RADIL: variants seen among roughly 807,000 people sequenced by gnomAD.
The protein encoded by RADIL is Rap associating with DIL domain, also known as ras-associating and dilute domain-containing protein.
Under a neutral mutation model 97.6 loss-of-function variants are expected in RADIL, and 99 were observed. The ratio of observed to expected loss-of-function variants is 1.01; its 90% confidence interval spans 0.86 to 1.20. The LOEUF is 1.20. RADIL is among the 50% of genes most tolerant of loss of function. The pLI is 0.00. For missense variants in RADIL, 1,765 were observed against 1,498.9 expected (o/e 1.18, Z -2.93); for synonymous variants, 803 against 691.8 (o/e 1.16, Z -2.52).
rs150646605 is a variant in RADIL, at chr7:4,876,757, A to G, written c.535+848T>C. On this transcript the variant is annotated intron_variant, in intron 2 of 14. Coordinates refer to ENST00000399583, the MANE Select transcript of RADIL (RefSeq NM_018059.5). Reference sequence around the variant, plus strand: ...TGCTCTCGGCACTCCTCAGACCGACAATGATCGGCTGCCCGTGGCCAGGCC... The same window carrying G: ...TGCTCTCGGCACTCCTCAGACCGACGATGATCGGCTGCCCGTGGCCAGGCC... 9.0e-4 allele frequency among the ~76,000 whole-genome samples: 137 copies of G among 152,298 alleles called. 2 individuals carry two copies. The highest frequency in any genetic ancestry group is 3.2e-3 in the African/African-American group (133 of 41,570).
At chr7:4,832,401 G>C (rs1480174271) in intron 4 of RADIL, among the ~76,000 whole-genome samples, 3 of 152,096 alleles carry the variant, frequency 2.0e-5, no homozygotes, top group African/African-American at 4.8e-5. Flanking sequence ...TGCTACAATA[G>C]AGTATCTCAC....
intron 11 of RADIL, 105 bp downstream of exon 11, chr7:4,803,441 C>T (rs1378061993): frequency 3.2e-5 from 33 of 1,036,514 alleles, no homozygotes; most frequent in South Asian, 1.0e-4. Context: ...CCTCGGGGCA[C>T]GCTGGCTGGG....
In RADIL at chr7:4,800,215, C is replaced by G; in HGVS notation, c.2938G>C (p.Glu980Gln). The change falls in exon 13 of 15, where the codon GAA becomes CAA. Residue 980 changes from glutamate (E) to glutamine (Q), a missense_variant. By Grantham distance (29) the Glu-to-Gln change is conservative. Coordinates refer to ENST00000399583, the MANE Select transcript of RADIL (RefSeq NM_018059.5). The part of the protein sequence containing the change: ...DFCYVFTVEL[E>Q]RGPSGLGMGL... ...ATCCCCAGCCCGGAGGGGCCTCGTT[C>G]CAGCTCCACCGTGAAGACGTAGCAG... 1 of 1,607,998 alleles carries G rather than the reference C, an allele frequency of 6.2e-7. No individual in the cohort carries two copies.
intron 9 of RADIL, among the ~76,000 whole-genome samples, chr7:4,812,270 A>G (rs1782567816): frequency 6.6e-6 from 1 of 152,070 alleles, no homozygotes; most frequent in South Asian, 2.1e-4. Flanking sequence ...TTATTTGTCC[A>G]TTTCATCTAA....
intron 1 of RADIL, among the ~76,000 whole-genome samples, chr7:4,882,666 C>T (rs1784510225): frequency 6.6e-6 from 1 of 152,190 alleles, no homozygotes; most frequent in East Asian, 1.9e-4. Context: ...TCCCCTCCTT[C>T]CATGAATCCT....
intron 11 of RADIL, 65 bp downstream of exon 11, chr7:4,803,481 G>A (rs1416489911): frequency 2.6e-5 from 35 of 1,341,072 alleles, no homozygotes; most frequent in East Asian, 1.9e-4. Context: ...CTCGGGGCAC[G>A]CTGGCTGGGT....
chr7:4,804,061 G>A, intron 10 of RADIL: 1 of 421,176 alleles, frequency 2.4e-6, no homozygotes, highest in South Asian at 2.2e-5. Context: ...CTGCCCCACT[G>A]GTCTCTGATG....
Position 4,815,459 on chromosome 7 carries a change from G to A in RADIL, c.1967-9C>T. 12 of 1,496,210 alleles carry A rather than the reference G, an allele frequency of 8.0e-6. No homozygotes were observed. The highest frequency in any genetic ancestry group is 1.1e-5 in the Non-Finnish European group (12 of 1,119,700). The allele number at this position is 1,496,210 out of a possible 1,614,324, so 92.7% of individuals were successfully genotyped here. A position where few individuals can be genotyped will look rare whatever the true frequency, so the allele number is the denominator to read the frequency against. ...GCAGCTCAGGGAGGGGCCTGTGGAG[G>A]GAAGAAGGGAGGGTGATGCCTGGGC... On this transcript the variant is annotated splice_polypyrimidine_tract_variant and intron_variant, in intron 8 of 14. Transcript: ENST00000399583. This position sits in a 1 kb window ranked among gnomAD's most constrained non-coding sequence, Gnocchi z 8.0.
Position 4,834,975 on chromosome 7 carries a change from A to C in RADIL, c.1048T>G (p.Tyr350Asp), listed in dbSNP as rs569253197. Residue 350 changes from tyrosine to aspartate, a missense_variant, in exon 4 of 15, where the codon TAC (tyrosine) becomes GAC (aspartate). Coordinates refer to ENST00000399583, the MANE Select transcript of RADIL (RefSeq NM_018059.5). This position sits in a 1 kb window ranked among gnomAD's most constrained non-coding sequence, Gnocchi z 6.0. The part of the protein sequence containing the change: ...HHGDLLSLGL[Y>D]YLLLFKDPAQ... ...GGGTCCTTGAATAGCAGCAGGTAGT[A>C]GAGCCCCAGGGAGAGCAGGTCCCCG... is the stretch of plus-strand genomic sequence containing the variant. 1 of 1,610,218 alleles carries C rather than the reference A, an allele frequency of 6.2e-7. No individual in the cohort carries two copies. Among genetic ancestry groups the C allele is most frequent in the Admixed American group, 1.7e-5 (1 of 59,782 alleles).
rs1268471202 is a variant in RADIL, at chr7:4,797,457, G to A, written c.*1921C>T. ...AGAGATAAGCCCCCTTCTCTTTGTG[G>A]GAGGAACTGTTGGTGGCCACCTTTG... On this transcript the variant is annotated 3_prime_UTR_variant, in exon 15 of 15. Coordinates refer to ENST00000399583, the MANE Select transcript of RADIL (RefSeq NM_018059.5). The A allele has an allele frequency of 3.3e-5, 5 of 152,324 alleles. No individual in the cohort carries two copies. The East Asian group carries it at 7.7e-4, about 23-fold the overall frequency. The allele number at this position is 152,324 out of a possible 1,614,324, so 9.4% of individuals were successfully genotyped here.
intron 9 of RADIL, chr7:4,809,472 G>A (rs190498626): frequency 3.0e-6 from 3 of 985,282 alleles, no homozygotes; most frequent in East Asian, 1.1e-4. Flanking sequence ...AATTTCCCCC[G>A]AGGAACACGC....
intron 5 of RADIL, among the ~76,000 whole-genome samples, chr7:4,825,150 G>A (rs1447341226): frequency 6.6e-6 from 1 of 152,184 alleles, no homozygotes; most frequent in Non-Finnish European, 1.5e-5. Flanking sequence ...GGACAGCACA[G>A]CCTGGCAGGA....
intron 2 of RADIL, chr7:4,860,468 T>C: frequency 1.2e-6 from 2 of 1,614,212 alleles, no homozygotes; most frequent in South Asian, 2.2e-5. Flanking sequence ...TTCAGAATTA[T>C]CTGGCTTTTT....
chr7:4,801,858 G>A lies in RADIL; in HGVS notation c.2637C>T (p.Ala879=), dbSNP rs151229803. ...CACGGCTGGGTTGCCTTCCAGGGGG[G>A]GCCTGTGCCCAGGGAGCCCCCCTCA... ...LPLRGAPWAQ[A]PPGRQPSRGG... is the part of the protein sequence containing the mutation. Residue 879 remains alanine, a synonymous_variant, in exon 12 of 15, where the codon GCC becomes GCT. Transcript: ENST00000399583. 3.2e-3 allele frequency: 5,176 copies of A among 1,595,478 alleles called. 108 individuals carry two copies. In the African/African-American group the frequency reaches 0.054, roughly 17 times the overall value.
In RADIL at chr7:4,800,232, A is replaced by C; in HGVS notation, c.2921T>G (p.Val974Gly). 6.2e-7 allele frequency: 1 copy of C among 1,601,576 alleles called. No homozygotes were observed. Residue 974 changes from valine (V) to glycine (G), a missense_variant, in exon 13 of 15, where the codon GTC (valine) becomes GGC (glycine). Coordinates refer to ENST00000399583, the MANE Select transcript of RADIL (RefSeq NM_018059.5). The part of the protein sequence containing the change: ...RSSSTEDFCY[V>G]FTVELERGPS... Reference sequence around the variant, plus strand: ...GCCTCGTTCCAGCTCCACCGTGAAGACGTAGCAGAAGTCCTCGGTGCTGGA... The same window carrying C: ...GCCTCGTTCCAGCTCCACCGTGAAGCCGTAGCAGAAGTCCTCGGTGCTGGA...
rs554692487 is a variant in RADIL, at chr7:4,808,830, G to A, written c.2140-3114C>T. On this transcript the variant is annotated intron_variant, in intron 9 of 14. Coordinates refer to ENST00000399583, the MANE Select transcript of RADIL (RefSeq NM_018059.5). Reference sequence around the variant, plus strand: ...CTCCGTGTCTCCTTCCGACGCCACTGCCCCTCCGCGTCTCCTTCCAACGCC... The same window carrying A: ...CTCCGTGTCTCCTTCCGACGCCACTACCCCTCCGCGTCTCCTTCCAACGCC... The A allele has an allele frequency of 1.4e-5, 13 of 954,488 alleles. No homozygotes were observed. The East Asian group carries it at 1.5e-3, about 112-fold the overall frequency. The allele number at this position is 954,488 out of a possible 1,614,324, so 59.1% of individuals were successfully genotyped here. A position where few individuals can be genotyped will look rare whatever the true frequency, so the allele number is the denominator to read the frequency against.
At position 4,817,146 on chromosome 7, in the gene RADIL, C is replaced by T. The variant is rs1012300486; in HGVS notation, c.1728+93G>A. On this transcript the variant is annotated intron_variant, in intron 7 of 14. Coordinates refer to ENST00000399583, the MANE Select transcript of RADIL (RefSeq NM_018059.5). The surrounding 1 kb of genome is among the most constrained non-coding windows in gnomAD (Gnocchi z 8.3). ...GTCACGGTCCCCTCCCTCAGCCCCC[C>T]AGAAGGCTCCTTAGGAGAGCCACAG... 8.8e-7 allele frequency: 1 copy of T among 1,137,220 alleles called. No homozygotes were observed. Among genetic ancestry groups the T allele is most frequent in the South Asian group, 1.5e-5 (1 of 68,504 alleles). 70.4% of individuals were successfully genotyped at this position (1,137,220 alleles called of 1,614,324 possible). A position where few individuals can be genotyped will look rare whatever the true frequency, so the allele number is the denominator to read the frequency against.
chr7:4,869,022 G>A (rs925051890), intron 2 of RADIL, among the ~76,000 whole-genome samples: 1 of 152,230 alleles, frequency 6.6e-6, no homozygotes, highest in Non-Finnish European at 1.5e-5. Context: ...AGCTATTCAG[G>A]AGGCTGAGGC....
chr7:4,869,816 A>C (rs763985770), intron 2 of RADIL, among the ~76,000 whole-genome samples: 3 of 152,060 alleles, frequency 2.0e-5, no homozygotes, highest in Non-Finnish European at 4.4e-5. Flanking sequence ...TAGGCATTCG[A>C]GAATCTGACT....
Sources: gnomAD v4.1 joint callset for allele counts (sites outside exome capture counted in the v4.1 genomes callset) on GRCh38, gnomAD v4.1.1 for gene constraint, Gnocchi (gnomAD v3.1) non-coding constraint, MANE v1.5 for transcripts, NCBI Gene and HGNC (gene_info 2026-07-23, HGNC 2026-07-21) for gene names.